The following SPOPL variants were observed in gnomAD, a reference collection of about 807,000 sequenced individuals.
SPOPL encodes speckle type BTB/POZ protein like, also known as speckle-type POZ protein-like.
A neutral mutation model predicts 53.8 loss-of-function variants in SPOPL; 23 were observed. The ratio of observed to expected loss-of-function variants is 0.43; its 90% CI spans 0.31 to 0.61. The LOEUF (loss-of-function observed/expected upper bound fraction) is 0.61, where lower values mean the gene tolerates loss of function less well. SPOPL is among the 20% of genes least tolerant of loss of function. The probability of loss-of-function intolerance (pLI) is 0.12; values close to 1 mark genes in which losing one functional copy is unlikely to be tolerated. For missense variants in SPOPL, 442 were observed against 466.9 expected, an observed-to-expected ratio of 0.95 and a Z score of 0.49; for synonymous variants, 164 against 149.7, an observed-to-expected ratio of 1.10 and a Z score of -0.70.
At chr2:138,512,724 A>G (rs368275046) in intron 1 of SPOPL, among the ~76,000 whole-genome samples, 9 of 151,872 alleles carry the variant, frequency 5.9e-5, no homozygotes, top group Non-Finnish European at 1.0e-4. Context: ...CTTTGTTTTC[A>G]TTGTTTTTTG....
At chr2:138,527,440 ATC>A (rs1407609752) in intron 1 of SPOPL, among the ~76,000 whole-genome samples, 2 of 152,030 alleles carry the variant, frequency 1.3e-5, no homozygotes, top group Non-Finnish European at 2.9e-5. Context: ...AGTTGTCTTT[ATC>A]TTTTATTTTC....
chr2:138,537,977 T>C (rs1281709985), intron 1 of SPOPL, among the ~76,000 whole-genome samples: 1 of 152,204 alleles, frequency 6.6e-6, no homozygotes, highest in Non-Finnish European at 1.5e-5. Context: ...ACATTTTCGG[T>C]TTCCTCTTGA....
chr2:138,533,752 T>TA (rs1312737153), intron 1 of SPOPL, among the ~76,000 whole-genome samples: 3 of 152,240 alleles, frequency 2.0e-5, no homozygotes, highest in South Asian at 2.1e-4. Flanking sequence ...AGTATTTTGT[T>TA]ATAACATCCT....
chr2:138,518,046 C>CAAAAAA (rs61662616), intron 1 of SPOPL, among the ~76,000 whole-genome samples: 74 of 66,788 alleles, frequency 1.1e-3, no homozygotes, highest in Non-Finnish European at 1.4e-3. Context: ...GAAACTGTCT[C>CAAAAAA]AAAAAAAAAA....
At chr2:138,543,072 C>T (rs1217121820) in intron 1 of SPOPL, among the ~76,000 whole-genome samples, 1 of 152,222 alleles carries the variant, frequency 6.6e-6, no homozygotes, top group African/African-American at 2.4e-5. Flanking sequence ...CCCCCACTTT[C>T]TTCTGGCTTG....
At position 138,547,090 on chromosome 2, in the gene SPOPL, G is replaced by A. The variant is rs545287073; in HGVS notation, c.-60-3067G>A. Among the ~76,000 whole-genome samples, 13 of 151,952 alleles carry A rather than the reference G, an allele frequency of 8.6e-5. No individual in the cohort carries two copies. In the South Asian group the frequency reaches 1.7e-3, roughly 19 times the overall value. ...AAACAATTCTCCTGCCTCAGCCTCC[G>A]GAGTAGCTGGCATTATAGGCGCCCG... On this transcript the variant is annotated intron_variant, in intron 1 of 10. Coordinates refer to ENST00000280098, the MANE Select transcript of SPOPL (RefSeq NM_001001664.3).
intron 8 of SPOPL, among the ~76,000 whole-genome samples, chr2:138,563,544 G>T (rs1685596794): frequency 6.6e-6 from 1 of 152,120 alleles, no homozygotes; most frequent in Non-Finnish European, 1.5e-5. Context: ...GCCATCATTA[G>T]ATATTCCTGC....
intron 1 of SPOPL, among the ~76,000 whole-genome samples, chr2:138,526,791 A>G (rs1417017372): frequency 1.3e-5 from 2 of 151,634 alleles, no homozygotes; most frequent in East Asian, 3.9e-4. Flanking sequence ...CAGTGGCACA[A>G]TCTTGGCTCA....
At chr2:138,553,871 GC>G (rs1685365171) in intron 5 of SPOPL, among the ~76,000 whole-genome samples, 1 of 152,000 alleles carries the variant, frequency 6.6e-6, no homozygotes, top group Admixed American at 6.6e-5. Flanking sequence ...TATAGGTTAT[GC>G]TATATAAAAT....
intron 1 of SPOPL, among the ~76,000 whole-genome samples, chr2:138,533,240 A>G (rs554158087): frequency 6.6e-6 from 1 of 152,322 alleles, no homozygotes; most frequent in African/African-American, 2.4e-5. Context: ...CATTGGTCTC[A>G]GTATATAGCT....
chr2:138,533,555 C>T (rs1319648642), intron 1 of SPOPL, among the ~76,000 whole-genome samples: 1 of 151,910 alleles, frequency 6.6e-6, no homozygotes, highest in African/African-American at 2.4e-5. Flanking sequence ...CTAAAGTCAT[C>T]GTATACTTAA....
At chr2:138,539,112 T>G (rs1247998858) in intron 1 of SPOPL, among the ~76,000 whole-genome samples, 1 of 152,218 alleles carries the variant, frequency 6.6e-6, no homozygotes, top group Admixed American at 6.5e-5. Context: ...GTATTCCATG[T>G]TGTATATGTG....
intron 1 of SPOPL, among the ~76,000 whole-genome samples, chr2:138,536,346 C>CCA (rs757753670): frequency 3.9e-4 from 59 of 151,310 alleles, no homozygotes; most frequent in African/African-American, 1.4e-3. Context: ...TGCCCCCCCC[C>CCA]CACACACACA....
intron 1 of SPOPL, among the ~76,000 whole-genome samples, chr2:138,538,969 AT>A (rs1419492834): frequency 6.6e-6 from 1 of 151,638 alleles, no homozygotes; most frequent in Non-Finnish European, 1.5e-5. Context: ...TCATTGTTCA[AT>A]TTTCCACCTA....
chr2:138,530,139 A>G (rs192896885), intron 1 of SPOPL, among the ~76,000 whole-genome samples: 18 of 152,336 alleles, frequency 1.2e-4, no homozygotes, highest in Middle Eastern at 3.4e-3. Flanking sequence ...ATGTTCCTGC[A>G]AAGGATATGA....
chr2:138,509,471 CAAAG>C (rs1342323117), intron 1 of SPOPL, among the ~76,000 whole-genome samples: 1 of 152,030 alleles, frequency 6.6e-6, no homozygotes, highest in Non-Finnish European at 1.5e-5. Flanking sequence ...TATTTATTGA[CAAAG>C]AAAATACCAT....
chr2:138,506,570 G>A (rs1352073658), intron 1 of SPOPL, among the ~76,000 whole-genome samples: 2 of 152,130 alleles, frequency 1.3e-5, no homozygotes, highest in Non-Finnish European at 2.9e-5. Flanking sequence ...TGGGGGTCCT[G>A]GGGAGAGGAA....
At chr2:138,539,521 T>C (rs1463423514) in intron 1 of SPOPL, among the ~76,000 whole-genome samples, 2 of 152,258 alleles carry the variant, frequency 1.3e-5, no homozygotes, top group African/African-American at 2.4e-5. Flanking sequence ...CATTTTTTCA[T>C]GTGTCTGTTG....
At chr2:138,518,046 CAAAAAAAAA>C (rs61662616) in intron 1 of SPOPL, among the ~76,000 whole-genome samples, 2 of 67,804 alleles carry the variant, frequency 2.9e-5, no homozygotes, top group Non-Finnish European at 6.4e-5. Flanking sequence ...GAAACTGTCT[CAAAAAAAAA>C]AAAAAAAAAA....
Sources: allele counts gnomAD v4.1 joint callset (sites outside exome capture counted in the v4.1 genomes callset), GRCh38; gene constraint gnomAD v4.1.1; transcripts MANE v1.5; gene names NCBI Gene and HGNC (gene_info 2026-07-23, HGNC 2026-07-21).